The following FER1L5 variants were observed in gnomAD, a reference collection of about 807,000 sequenced individuals.
FER1L5 encodes the protein fer-1-like protein 5.
FER1L5 carries 187 observed loss-of-function variants against 279.9 expected under a neutral mutation model. That is an observed-to-expected ratio of 0.67 (90% CI 0.59 to 0.75). The LOEUF is 0.75. FER1L5 is among the 30% of genes least tolerant of loss of function. FER1L5 has a pLI of 0.00. For missense variants in FER1L5, 2,091 were observed against 2,594.4 expected (o/e 0.81, Z 4.21); for synonymous variants, 921 against 989.7 (o/e 0.93, Z 1.30).
At position 96,702,932 on chromosome 2, in the gene FER1L5, C is replaced by T. The variant is rs567076524; in HGVS notation, c.5398-46C>T. On this transcript the variant is annotated intron_variant, in intron 48 of 52. Transcript: ENST00000624922. The surrounding 1 kb of genome is among the most constrained non-coding windows in gnomAD (Gnocchi z 4.0). ...GGGCCACTGAGGGGTGCAAGGGAAA[C>T]GTCCAGGAGACAGGCCGGTAACACG... 49 of 1,572,932 alleles carry T rather than the reference C, an allele frequency of 3.1e-5. No homozygotes were observed. Among genetic ancestry groups the T allele is most frequent in the African/African-American group, 5.4e-5 (4 of 73,852 alleles).
intron 9 of FER1L5, among the ~76,000 whole-genome samples, chr2:96,659,423 T>G (rs1389289983): frequency 9.6e-5 from 1 of 10,436 alleles, no homozygotes; most frequent in Non-Finnish European, 1.6e-4. Flanking sequence ...CTTTCTTTCT[T>G]TCTTTCTTTC....
In FER1L5 at chr2:96,689,908, ACT is replaced by A. The variant is rs2077076646; in HGVS notation, c.2640+158_2640+159del. 8 of 617,496 alleles carry A rather than the reference ACT, an allele frequency of 1.3e-5. No individual in the cohort carries two copies. Among genetic ancestry groups the A allele is most frequent in the Non-Finnish European group, 1.7e-5 (6 of 348,290 alleles). 38.3% of individuals were successfully genotyped at this position (617,496 alleles called of 1,614,324 possible). Reference sequence around the variant, plus strand: ...CGGGTGAGCGCACCAGCCCTCAGGCACTCTCTCTCAGCACTGATGGGGTGAGG... The same window carrying A: ...CGGGTGAGCGCACCAGCCCTCAGGCACTCTCTCAGCACTGATGGGGTGAGG... On this transcript the variant is annotated intron_variant, in intron 26 of 52. Transcript: ENST00000624922. The surrounding 1 kb of genome is among the most constrained non-coding windows in gnomAD (Gnocchi z 4.6).
chr2:96,683,333 T>C (rs2106633956), intron 19 of FER1L5, among the ~76,000 whole-genome samples: 1 of 152,236 alleles, frequency 6.6e-6, no homozygotes. Flanking sequence ...GTCCTTGGTG[T>C]TCCTGGGCTC....
chr2:96,660,938 T>G (rs2106522906), intron 10 of FER1L5, among the ~76,000 whole-genome samples: 1 of 152,354 alleles, frequency 6.6e-6, no homozygotes, highest in South Asian at 2.1e-4. Flanking sequence ...ATTACAATCC[T>G]GGGTTAGATT....
At chr2:96,663,709 G>A (rs918585414) in intron 14 of FER1L5, among the ~76,000 whole-genome samples, 7 of 152,236 alleles carry the variant, frequency 4.6e-5, no homozygotes, top group East Asian at 1.9e-4. Flanking sequence ...TATCATTGAC[G>A]TACCTATGTC....
At chr2:96,696,806 G>A (rs6729813) in intron 37 of FER1L5, among the ~76,000 whole-genome samples, 7,603 of 152,262 alleles carry the variant, frequency 0.05, 643 homozygotes, top group African/African-American at 0.17. Context: ...TATGGAGGCT[G>A]AGGCACAAGA....
intron 11 of FER1L5, 72 bp from the exon 12 acceptor site, chr2:96,661,596 G>A: frequency 6.5e-7 from 1 of 1,543,224 alleles, no homozygotes; most frequent in Non-Finnish European, 8.8e-7. Context: ...GGAAGTTGGA[G>A]AAGCAAAGTC....
chr2:96,661,636 C>T (rs1326434732), intron 11 of FER1L5, 32 bp from the exon 12 acceptor site: 3 of 1,551,414 alleles, frequency 1.9e-6, no homozygotes, highest in South Asian at 1.2e-5. Flanking sequence ...CTCCCCATTA[C>T]CTTGACTATA....
chr2:96,683,630 T>C (rs2076814237), intron 19 of FER1L5, among the ~76,000 whole-genome samples: 1 of 152,068 alleles, frequency 6.6e-6, no homozygotes. Flanking sequence ...TGGTCAGCCC[T>C]AGGCTTTCTC....
At chr2:96,700,296 C>T (rs778290540) in intron 44 of FER1L5, 36 bp from the exon 45 acceptor site, 62 of 1,608,686 alleles carry the variant, frequency 3.9e-5, no homozygotes, top group Non-Finnish European at 5.1e-5. Flanking sequence ...GGCTAATGAC[C>T]TCGCAATCCC....
chr2:96,699,474 G>A (rs1361218683), intron 42 of FER1L5, 76 bp from the exon 43 acceptor site: 11 of 1,500,796 alleles, frequency 7.3e-6, no homozygotes, highest in Admixed American at 1.8e-5. Flanking sequence ...GGCCTACGGG[G>A]CCGAGACACC....
chr2:96,646,258 A>G (rs1295058839), intron 1 of FER1L5, 143 bp from the exon 2 acceptor site: 1 of 748,742 alleles, frequency 1.3e-6, no homozygotes, highest in Non-Finnish European at 2.2e-6. Context: ...TCGGCCTCCC[A>G]AAGTGCTGAG....
At chr2:96,703,727 ACCT>A in intron 51 of FER1L5, 95 bp downstream of exon 51, 1 of 1,021,918 alleles carries the variant, frequency 9.8e-7, no homozygotes, top group Non-Finnish European at 1.5e-6. Context: ...GGTGGTAATT[ACCT>A]CCCACCCCAC....
Position 96,702,642 on chromosome 2 carries a change from C to T in FER1L5, c.5298C>T (p.Ile1766=). ...AGAAGGACATGCAGAAGACAGACAT[C>T]CACTACCACTCGCTGACTGGGGAGG... ...GLEKDMQKTD[I]HYHSLTGEAD... The change falls in exon 48 of 53, where the codon ATC becomes ATT. Residue 1766 remains isoleucine, a synonymous_variant. Transcript: ENST00000624922. The surrounding 1 kb of genome is among the most constrained non-coding windows in gnomAD (Gnocchi z 4.0). 6.3e-7 allele frequency: 1 copy of T among 1,599,616 alleles called. No individual in the cohort carries two copies. The highest frequency in any genetic ancestry group is 8.5e-7 in the Non-Finnish European group (1 of 1,173,246).
Position 96,702,222 on chromosome 2 carries a change from C to G in FER1L5, c.5160-84C>G. 6.4e-7 allele frequency: 1 copy of G among 1,570,236 alleles called. No homozygotes were observed. The highest frequency in any genetic ancestry group is 1.2e-5 in the South Asian group (1 of 86,358). On this transcript the variant is annotated intron_variant, in intron 46 of 52. Coordinates refer to ENST00000624922, the MANE Select transcript of FER1L5 (RefSeq NM_001293083.2). This position sits in a 1 kb window ranked among gnomAD's most constrained non-coding sequence, Gnocchi z 4.0. Reference sequence around the variant, plus strand: ...CCACACTGAGCAAAAACACACAGGGCAGCCTCCCAGGCTTCTCTGCCCTCA... The same window carrying G: ...CCACACTGAGCAAAAACACACAGGGGAGCCTCCCAGGCTTCTCTGCCCTCA...
rs1355568309 is a variant in FER1L5, at chr2:96,669,086, G to C, written c.1311G>C (p.Leu437=). The C allele has an allele frequency of 2.0e-5, 31 of 1,551,572 alleles. No individual in the cohort carries two copies. Among genetic ancestry groups the C allele is most frequent in the Non-Finnish European group, 2.7e-5 (31 of 1,147,002 alleles). ...TGCCCTGCTTTGGCCCCAGCTTCCTGACTCTGCATGGGGGTAAAAAGGCCC... is the reference window on the plus strand; with the variant it reads ...TGCCCTGCTTTGGCCCCAGCTTCCTCACTCTGCATGGGGGTAAAAAGGCCC... The part of the protein sequence containing the change: ...GFLPCFGPSF[L]TLHGGKKAPF... Residue 437 remains leucine, a synonymous_variant, in exon 17 of 53, where the codon CTG becomes CTC. Transcript: ENST00000624922.
rs1223455449 is a variant in FER1L5 at position 96,702,983 on chromosome 2, C to T, written c.5403C>T (p.Tyr1801=). The T allele has an allele frequency of 1.2e-6, 2 of 1,611,506 alleles. No homozygotes were observed. The highest frequency in any genetic ancestry group is 2.2e-5 in the South Asian group (2 of 90,472). The change falls in exon 49 of 53, where the codon TAC becomes TAT. Residue 1801 remains tyrosine, a synonymous_variant. Transcript: ENST00000624922. The surrounding 1 kb of genome is among the most constrained non-coding windows in gnomAD (Gnocchi z 4.0). Reference sequence around the variant, plus strand: ...CCCTTCCGCCATTTCCCCAGGATTACATATGGAGCCTGGATGCCACGTCCA... The same window carrying T: ...CCCTTCCGCCATTTCCCCAGGATTATATATGGAGCCTGGATGCCACGTCCA... ...ERTCVQSQKD[Y]IWSLDATSMK...
At chr2:96,648,824 A>G (rs2075246102) in intron 4 of FER1L5, among the ~76,000 whole-genome samples, 1 of 152,216 alleles carries the variant, frequency 6.6e-6, no homozygotes, top group Admixed American at 6.5e-5. Flanking sequence ...GTGACTTACA[A>G]TGGATGGACA....
chr2:96,662,206 T>C lies in FER1L5; in HGVS notation c.1019-9T>C. 6.4e-7 allele frequency: 1 copy of C among 1,551,552 alleles called. No individual in the cohort carries two copies. Reference sequence around the variant, plus strand: ...CTGGCTCAGATATCTTTTAACTTGTTGTTCATAGAGAAACACCAGTCAGTG... The same window carrying C: ...CTGGCTCAGATATCTTTTAACTTGTCGTTCATAGAGAAACACCAGTCAGTG... On this transcript the variant is annotated splice_polypyrimidine_tract_variant and intron_variant, in intron 12 of 52. Coordinates refer to ENST00000624922, the MANE Select transcript of FER1L5 (RefSeq NM_001293083.2).
Sources: gnomAD v4.1 joint callset for allele counts (sites outside exome capture counted in the v4.1 genomes callset) on GRCh38, gnomAD v4.1.1 for gene constraint, Gnocchi (gnomAD v3.1) non-coding constraint, MANE v1.5 for transcripts, NCBI Gene and HGNC (gene_info 2026-07-23, HGNC 2026-07-21) for gene names.